The following SIPA1L3 variants were observed in gnomAD, a reference collection of about 807,000 sequenced individuals.
SIPA1L3 encodes signal-induced proliferation-associated 1-like protein 3.
SIPA1L3 carries 59 observed loss-of-function variants against 150.1 expected under a neutral mutation model. The observed-to-expected ratio is 0.39, with a 90% CI of 0.32 to 0.49. The LOEUF (loss-of-function observed/expected upper bound fraction) is 0.49. Ranked by LOEUF, SIPA1L3 falls within the 20% of genes least tolerant of loss-of-function variation. The probability of loss-of-function intolerance (pLI) is 0.86; values close to 1 mark genes in which losing one functional copy is unlikely to be tolerated. For synonymous variants in SIPA1L3, 1,070 were observed against 1,077.6 expected, an observed-to-expected ratio of 0.99 and a Z score of 0.14; for missense variants, 2,211 against 2,489.5, an observed-to-expected ratio of 0.89 and a Z score of 2.38.
intron 1 of SIPA1L3, among the ~76,000 whole-genome samples, chr19:38,002,880 C>A (rs1478537383): frequency 6.6e-6 from 1 of 151,928 alleles, no homozygotes; most frequent in South Asian, 2.1e-4. Flanking sequence ...CACAGTGGCT[C>A]ATGCCTGTAA....
intron 13 of SIPA1L3, among the ~76,000 whole-genome samples, chr19:38,159,755 C>T (rs777086963): frequency 1.7e-4 from 26 of 152,256 alleles, no homozygotes; most frequent in Non-Finnish European, 2.8e-4. Flanking sequence ...CTGATACCCA[C>T]TTCACAGTGG....
intron 1 of SIPA1L3, among the ~76,000 whole-genome samples, chr19:37,994,973 C>T (rs1008083207): frequency 4.6e-5 from 7 of 152,272 alleles, no homozygotes; most frequent in East Asian, 1.9e-4. Flanking sequence ...GCGTTTCGTT[C>T]GTGCTGGTGG....
At position 38,066,183 on chromosome 19, in the gene SIPA1L3, TA is replaced by T. The variant is rs531449117; in HGVS notation, c.-310-15063del. Among the ~76,000 whole-genome samples the T allele has an allele frequency of 5.5e-3, 826 of 150,744 alleles. 8 individuals carry two copies. Among genetic ancestry groups the T allele is most frequent in the African/African-American group, 0.019 (781 of 41,098 alleles). On this transcript the variant is annotated intron_variant, in intron 2 of 21. Transcript: ENST00000222345. ...ATGCACCACCACACCTGGCAAATTTTAAAAAAAAAATTTTTGTAGAGATAGG... is the reference window on the plus strand; with the variant it reads ...ATGCACCACCACACCTGGCAAATTTTAAAAAAAAATTTTTGTAGAGATAGG...
intron 4 of SIPA1L3, among the ~76,000 whole-genome samples, chr19:38,095,095 AAAG>A (rs1168059277): frequency 6.6e-6 from 1 of 152,216 alleles, no homozygotes; most frequent in Non-Finnish European, 1.5e-5. Flanking sequence ...AATAAATAAA[AAAG>A]AAATAATATT....
chr19:38,098,171 G>A (rs998200605), intron 4 of SIPA1L3, among the ~76,000 whole-genome samples: 3 of 152,128 alleles, frequency 2.0e-5, no homozygotes, highest in African/African-American at 7.2e-5. Context: ...CATTTATTTG[G>A]CTGCAAAGCG....
chr19:37,988,384 C>A (rs1967416549), intron 1 of SIPA1L3, among the ~76,000 whole-genome samples: 1 of 151,736 alleles, frequency 6.6e-6, no homozygotes, highest in Non-Finnish European at 1.5e-5. Flanking sequence ...AAATTATTAT[C>A]AAAAAGAGAA....
At chr19:38,037,470 G>A (rs1025376854) in intron 2 of SIPA1L3, among the ~76,000 whole-genome samples, 1 of 152,202 alleles carries the variant, frequency 6.6e-6, no homozygotes, top group African/African-American at 2.4e-5. Context: ...AGCTGGGAGA[G>A]GTAGGTGGGG....
intron 2 of SIPA1L3, among the ~76,000 whole-genome samples, chr19:38,042,947 A>G (rs780695242): frequency 6.6e-6 from 1 of 152,214 alleles, no homozygotes; most frequent in Non-Finnish European, 1.5e-5. Context: ...GACCATGGCC[A>G]AAGCACTTAC....
chr19:38,173,265 C>T (rs1025708812), intron 15 of SIPA1L3, among the ~76,000 whole-genome samples: 3 of 152,242 alleles, frequency 2.0e-5, no homozygotes, highest in African/African-American at 7.2e-5. Flanking sequence ...GAGCCCCCTA[C>T]CCTCCCTTCC....
chr19:37,979,917 A>G (rs912581545), intron 1 of SIPA1L3, among the ~76,000 whole-genome samples: 1 of 152,220 alleles, frequency 6.6e-6, no homozygotes, highest in Non-Finnish European at 1.5e-5. Flanking sequence ...CTCCGCGTGC[A>G]CACTCACTCT....
intron 4 of SIPA1L3, among the ~76,000 whole-genome samples, chr19:38,096,745 A>G (rs1221337483): frequency 6.6e-6 from 1 of 152,174 alleles, no homozygotes; most frequent in Non-Finnish European, 1.5e-5. Flanking sequence ...GGGCTCTCAG[A>G]CAGGGCTGGT....
chr19:38,188,959 C>T (rs1024835911), intron 16 of SIPA1L3, among the ~76,000 whole-genome samples: 3 of 151,860 alleles, frequency 2.0e-5, no homozygotes, highest in Non-Finnish European at 4.4e-5. Flanking sequence ...CCTTCCCTGG[C>T]CCTCAGCCAT....
At position 38,082,988 on chromosome 19, in the gene SIPA1L3, G is replaced by A; in HGVS notation, c.1423G>A (p.Val475Met). Residue 475 changes from valine to methionine, a missense_variant, in exon 3 of 22, where the codon GTG (valine) becomes ATG (methionine). Physicochemically the swap from Val to Met is conservative, Grantham distance 21. Coordinates refer to ENST00000222345, the MANE Select transcript of SIPA1L3 (RefSeq NM_015073.3). ...SAYRTNASIS[V>M]LEVPKEQQRT... ...CTACCGCACCAACGCCAGCATCTCG[G>A]TGTTGGAAGTTCCCAAGGAGCAGCA... 6.2e-7 allele frequency: 1 copy of A among 1,613,270 alleles called. No individual in the cohort carries two copies. Among genetic ancestry groups the A allele is most frequent in the Non-Finnish European group, 8.5e-7 (1 of 1,179,946 alleles).
At chr19:37,981,711 A>G (rs1967208000) in intron 1 of SIPA1L3, among the ~76,000 whole-genome samples, 1 of 151,960 alleles carries the variant, frequency 6.6e-6, no homozygotes, top group African/African-American at 2.4e-5. Context: ...GTACCACCTC[A>G]CCTTTTCTGC....
At chr19:38,078,144 C>T (rs759512350) in intron 2 of SIPA1L3, among the ~76,000 whole-genome samples, 1 of 152,266 alleles carries the variant, frequency 6.6e-6, no homozygotes, top group Non-Finnish European at 1.5e-5. Context: ...CTCCCTTAGG[C>T]AACTCGACCC....
chr19:38,157,040 T>A (rs1345715820), intron 13 of SIPA1L3, among the ~76,000 whole-genome samples: 2 of 151,944 alleles, frequency 1.3e-5, no homozygotes, highest in African/African-American at 2.4e-5. Context: ...AGTGCGCACC[T>A]ATGGTCCCAG....
intron 2 of SIPA1L3, among the ~76,000 whole-genome samples, chr19:38,073,873 C>A (rs1482109197): frequency 6.6e-6 from 1 of 152,224 alleles, no homozygotes; most frequent in Non-Finnish European, 1.5e-5. Flanking sequence ...CCTGTGCCCA[C>A]TCCAACTGTG....
At chr19:37,993,213 G>A (rs1308483857) in intron 1 of SIPA1L3, among the ~76,000 whole-genome samples, 1 of 152,196 alleles carries the variant, frequency 6.6e-6, no homozygotes, top group Admixed American at 6.5e-5. Context: ...GTGAGATGGG[G>A]ATGACACCCA....
rs868826332 is a variant in SIPA1L3 at position 38,065,911 on chromosome 19, T to C, written c.-310-15345T>C. Among the ~76,000 whole-genome samples the C allele has an allele frequency of 5.4e-4, 58 of 106,772 alleles. 1 individual carries two copies. The highest frequency in any genetic ancestry group is 4.3e-3 in the Admixed American group (37 of 8,536). The allele number at this position is 106,772 out of a possible 152,430, so 70.0% of individuals were successfully genotyped here. A position where few individuals can be genotyped will look rare whatever the true frequency, so the allele number is the denominator to read the frequency against. ...TGCCCGGGTTTGATCTCTTATTTAT[T>C]TATCTATTTATTTATTTATTTATTT... On this transcript the variant is annotated intron_variant, in intron 2 of 21. Transcript: ENST00000222345.
Sources: gnomAD v4.1 joint callset for allele counts (sites outside exome capture counted in the v4.1 genomes callset) on GRCh38, gnomAD v4.1.1 for gene constraint, MANE v1.5 for transcripts, NCBI Gene and HGNC (gene_info 2026-07-23, HGNC 2026-07-21) for gene names.